The following ZNF296 variants were observed in gnomAD, a reference collection of about 807,000 sequenced individuals.
ZNF296 encodes the protein zinc finger protein 296, also known as zinc finger protein 342.
A neutral mutation model predicts 13.2 loss-of-function variants in ZNF296; 1 was observed. That is an observed-to-expected ratio of 0.08 (90% CI 0.03 to 0.36). ZNF296 has a LOEUF of 0.36. Ranked by LOEUF, ZNF296 falls within the 10% of genes least tolerant of loss-of-function variation. The probability of loss-of-function intolerance (pLI) is 0.99; values close to 1 mark genes in which losing one functional copy is unlikely to be tolerated. For synonymous variants in ZNF296, 303 were observed against 289.0 expected (o/e 1.05, Z -0.49); for missense variants, 555 against 688.2 (o/e 0.81, Z 2.16).
chr19:45,071,591 T>C lies in ZNF296; in HGVS notation c.*10A>G, dbSNP rs775146701. The C allele has an allele frequency of 7.3e-6, 11 of 1,506,148 alleles. No individual in the cohort carries two copies. The African/African-American group carries it at 1.3e-4, about 17-fold the overall frequency. 93.3% of individuals were successfully genotyped at this position (1,506,148 alleles called of 1,614,324 possible). Reference sequence around the variant, plus strand: ...CGGTACCAGGGACAGTGAGGGGGGCTTTCCTGGGCTCAGGCCTCGCCGGCC... The same window carrying C: ...CGGTACCAGGGACAGTGAGGGGGGCCTTCCTGGGCTCAGGCCTCGCCGGCC... On this transcript the variant is annotated 3_prime_UTR_variant, in exon 3 of 3. Transcript: ENST00000303809.
chr19:45,071,704 C>T lies in ZNF296; in HGVS notation c.1325G>A (p.Ser442Asn). Residue 442 changes from serine (S) to asparagine (N), a missense_variant, in exon 3 of 3, where the codon AGC (serine) becomes AAC (asparagine). Coordinates refer to ENST00000303809, the MANE Select transcript of ZNF296 (RefSeq NM_145288.3). ...HRRMHGMTPGSTRFECPHCHV... is the reference protein window; with the variant it reads ...HRRMHGMTPGNTRFECPHCHV... ...GCAGTGGGGGCACTCGAAGCGGGTGCTGCCAGGCGTCATGCCGTGCATGCG... is the reference window on the plus strand; with the variant it reads ...GCAGTGGGGGCACTCGAAGCGGGTGTTGCCAGGCGTCATGCCGTGCATGCG... 6.3e-7 allele frequency: 1 copy of T among 1,590,946 alleles called. No individual in the cohort carries two copies. The highest frequency in any genetic ancestry group is 8.6e-7 in the Non-Finnish European group (1 of 1,167,704).
intron 2 of ZNF296, among the ~76,000 whole-genome samples, chr19:45,075,112 C>G (rs1157021590): frequency 3.3e-5 from 5 of 152,334 alleles, no homozygotes; most frequent in Non-Finnish European, 5.9e-5. Flanking sequence ...AATTCCCTCC[C>G]AAGAGAAGGA....
At position 45,076,209 on chromosome 19, in the gene ZNF296, C is replaced by T; in HGVS notation, c.165G>A (p.Glu55=). 3 of 1,507,140 alleles carry T rather than the reference C, an allele frequency of 2.0e-6. No individual in the cohort carries two copies. Among genetic ancestry groups the T allele is most frequent in the Non-Finnish European group, 2.7e-6 (3 of 1,131,500 alleles). 93.4% of individuals were successfully genotyped at this position (1,507,140 alleles called of 1,614,324 possible). A position where few individuals can be genotyped will look rare whatever the true frequency, so the allele number is the denominator to read the frequency against. ...CGCCGAACCGCCCCGCCGAGGACAC[C>T]TCCTTCGGGGAGAAGGGCCCCAGCC... is the stretch of plus-strand genomic sequence containing the variant. ...APRLGPFSPK[E]VSSAGRFGGE... is the part of the protein sequence containing the mutation. The change falls in exon 1 of 3, where the codon GAG becomes GAA. Residue 55 remains glutamate, a synonymous_variant. Transcript: ENST00000303809. This position sits in a 1 kb window ranked among gnomAD's most constrained non-coding sequence, Gnocchi z 4.9.
At chr19:45,074,518 C>G (rs1967310331) in intron 2 of ZNF296, among the ~76,000 whole-genome samples, 1 of 152,156 alleles carries the variant, frequency 6.6e-6, no homozygotes, top group South Asian at 2.1e-4. Context: ...GTGGACACTT[C>G]CTAGGTGAAC....
rs559153834 is a variant in ZNF296, at chr19:45,072,356, C to T, written c.673G>A (p.Gly225Ser). ...EAKSPRASGS[G>S]LTRRSPTCPV... is the part of the protein sequence containing the mutation. ...CAGGTGGGGCTCCGCCGGGTGAGGC[C>T]GCTGCCACTTGCACGGGGGCTCTTG... Residue 225 changes from glycine to serine, a missense_variant, in exon 3 of 3, where the codon GGC becomes AGC. Coordinates refer to ENST00000303809, the MANE Select transcript of ZNF296 (RefSeq NM_145288.3). The T allele has an allele frequency of 7.0e-5, 113 of 1,612,638 alleles. No homozygotes were observed. The highest frequency in any genetic ancestry group is 9.3e-5 in the African/African-American group (7 of 75,042).
chr19:45,073,005 G>GC (rs1568425941), intron 2 of ZNF296, among the ~76,000 whole-genome samples: 14 of 152,186 alleles, frequency 9.2e-5, no homozygotes, highest in African/African-American at 3.1e-4. Context: ...ACCCACCTCG[G>GC]CCTCCCAAAG....
chr19:45,072,286 A>G lies in ZNF296; in HGVS notation c.743T>C (p.Val248Ala). 6.2e-7 allele frequency: 1 copy of G among 1,613,586 alleles called. No individual in the cohort carries two copies. The highest frequency in any genetic ancestry group is 8.5e-7 in the Non-Finnish European group (1 of 1,179,912). Residue 248 changes from valine (V) to alanine (A), a missense_variant, in exon 3 of 3, where the codon GTG (valine) becomes GCG (alanine). Around this residue, in one of 3 missense-constraint regions of ZNF296, gnomAD observed 410 missense variants for 548.0 expected, o/e 0.75. Coordinates refer to ENST00000303809, the MANE Select transcript of ZNF296 (RefSeq NM_145288.3). ...CTCGCCTGTGTGTGAGCGCATGTGC[A>G]CTTTGAGGTTGCTGAAGGAGCTGAG... ...KTLSSFSNLK[V>A]HMRSHTGERP...
At position 45,076,339 on chromosome 19, in the gene ZNF296, C is replaced by T; in HGVS notation, c.35G>A (p.Arg12Gln). 1.5e-6 allele frequency: 2 copies of T among 1,369,948 alleles called. No individual in the cohort carries two copies. The highest frequency in any genetic ancestry group is 1.9e-6 in the Non-Finnish European group (2 of 1,058,042). The allele number at this position is 1,369,948 out of a possible 1,614,324, so 84.9% of individuals were successfully genotyped here. ...SRRKAGSAPR[R>Q]VEPAPAANPD... ...GTTGGCGGCGGGCGCGGGCTCTACTCGGCGGGGCGCGCTGCCGGCCTTGCG... is the reference window on the plus strand; with the variant it reads ...GTTGGCGGCGGGCGCGGGCTCTACTTGGCGGGGCGCGCTGCCGGCCTTGCG... The change falls in exon 1 of 3, where the codon CGA (arginine) becomes CAA (glutamine). Residue 12 changes from arginine to glutamine, a missense_variant. Physicochemically the swap from Arg to Gln is conservative, Grantham distance 43. Transcript: ENST00000303809. The surrounding 1 kb of genome is among the most constrained non-coding windows in gnomAD (Gnocchi z 4.9).
intron 2 of ZNF296, 65 bp downstream of exon 2, chr19:45,075,648 G>A: frequency 6.3e-7 from 1 of 1,579,580 alleles, no homozygotes; most frequent in African/African-American, 1.3e-5. Flanking sequence ...GTCCAGCCCA[G>A]CCCCTTTCCA....
Position 45,071,511 on chromosome 19 carries a change from G to C in ZNF296, c.*90C>G. 6.7e-7 allele frequency: 1 copy of C among 1,485,964 alleles called. No individual in the cohort carries two copies. Among genetic ancestry groups the C allele is most frequent in the South Asian group, 1.4e-5 (1 of 72,842 alleles). The allele number at this position is 1,485,964 out of a possible 1,614,324, so 92.0% of individuals were successfully genotyped here. ...AGTCCAGACGGGTGTAAATAAAAGG[G>C]AAAATTTACTTGGAGAAGGCGGGCA... On this transcript the variant is annotated 3_prime_UTR_variant, in exon 3 of 3. Transcript: ENST00000303809.
Position 45,072,551 on chromosome 19 carries a change from G to A in ZNF296, c.478C>T (p.Leu160=), listed in dbSNP as rs778929569. ...ACTGTGAACTGTTTGCCACAGCGCA[G>A]GCAGCTCAAGGCCTTCAGCTCCTCT... ...EREELKALSC[L]RCGKQFTVAW... Residue 160 remains leucine (L), a synonymous_variant, in exon 3 of 3, where the codon CTG becomes TTG. Transcript: ENST00000303809. The A allele has an allele frequency of 3.3e-5, 53 of 1,606,866 alleles. No individual in the cohort carries two copies. The highest frequency in any genetic ancestry group is 4.3e-5 in the Non-Finnish European group (51 of 1,176,048).
chr19:45,075,659 G>T, intron 2 of ZNF296, 54 bp downstream of exon 2: 1 of 1,597,466 alleles, frequency 6.3e-7, no homozygotes, highest in East Asian at 2.2e-5. Flanking sequence ...CCCCTTTCCA[G>T]CAGGAAGCCC....
chr19:45,074,229 T>G (rs1304241615), intron 2 of ZNF296, among the ~76,000 whole-genome samples: 1 of 151,520 alleles, frequency 6.6e-6, no homozygotes, highest in Non-Finnish European at 1.5e-5. Context: ...GCCATGGTGG[T>G]GCACGCCTGT....
chr19:45,072,276 G>C lies in ZNF296; in HGVS notation c.753C>G (p.Arg251=), dbSNP rs146882890. ...CATAGGGCCGCTCGCCTGTGTGTGA[G>C]CGCATGTGCACTTTGAGGTTGCTGA... is the stretch of plus-strand genomic sequence containing the variant. ...SSFSNLKVHM[R]SHTGERPYAC... Residue 251 remains arginine, a synonymous_variant, in exon 3 of 3, where the codon CGC becomes CGG. Coordinates refer to ENST00000303809, the MANE Select transcript of ZNF296 (RefSeq NM_145288.3). 4.3e-6 allele frequency: 7 copies of C among 1,613,594 alleles called. No homozygotes were observed. The highest frequency in any genetic ancestry group is 3.4e-6 in the Non-Finnish European group (4 of 1,179,938).
rs1967261313 is a variant in ZNF296 at position 45,071,871 on chromosome 19, G to GC, written c.1157dup (p.Ser387GlnfsTer3). ...AATGCTTCCCGCAGAACTCACAGCTGCCCCCGGGCCCGCGGCTCTTGCCCC... is the reference window on the plus strand; with the variant it reads ...AATGCTTCCCGCAGAACTCACAGCTGCCCCCCGGGCCCGCGGCTCTTGCCCC... On this transcript the variant is annotated frameshift_variant, in exon 3 of 3. Coordinates refer to ENST00000303809, the MANE Select transcript of ZNF296 (RefSeq NM_145288.3). LOFTEE classifies it low-confidence loss of function (END_TRUNC). 2 of 1,613,040 alleles carry GC rather than the reference G, an allele frequency of 1.2e-6. No individual in the cohort carries two copies. The highest frequency in any genetic ancestry group is 1.7e-6 in the Non-Finnish European group (2 of 1,180,022).
At chr19:45,074,613 G>T (rs1478650682) in intron 2 of ZNF296, among the ~76,000 whole-genome samples, 1 of 152,172 alleles carries the variant, frequency 6.6e-6, no homozygotes, top group Non-Finnish European at 1.5e-5. Flanking sequence ...GCACAGGCCT[G>T]CATTCAAATT....
At position 45,071,826 on chromosome 19, in the gene ZNF296, C is replaced by T. The variant is rs769313505; in HGVS notation, c.1203G>A (p.Leu401=). The T allele has an allele frequency of 5.6e-6, 9 of 1,612,082 alleles. No individual in the cohort carries two copies. The highest frequency in any genetic ancestry group is 7.6e-6 in the Non-Finnish European group (9 of 1,179,638). ...CGGTGTGTGAGCGCCGGTGCACCGT[C>T]AGGTTGCTGCTGTTGGTAAAATGCT... ...CGKHFTNSSN[L]TVHRRSHTGE... Residue 401 remains leucine (L), a synonymous_variant, in exon 3 of 3, where the codon CTG becomes CTA. Coordinates refer to ENST00000303809, the MANE Select transcript of ZNF296 (RefSeq NM_145288.3).
rs1967349821 is a variant in ZNF296 at position 45,076,293 on chromosome 19, C to T, written c.81G>A (p.Met27Ile). ...GCTTGAGTTCGATGACGAGGTCCTG[C>T]ATTTCCATCTCGTCGTCTGGGTTGG... ...PAANPDDEMEMQDLVIELKPE... is the reference protein window; with the variant it reads ...PAANPDDEMEIQDLVIELKPE... Residue 27 changes from methionine (M) to isoleucine (I), a missense_variant, in exon 1 of 3, where the codon ATG (methionine) becomes ATA (isoleucine). This residue lies in a region of ZNF296 where 137 missense variants were observed against 121.9 expected (regional missense o/e 1.12). Transcript: ENST00000303809. This position sits in a 1 kb window ranked among gnomAD's most constrained non-coding sequence, Gnocchi z 4.9. 2.1e-6 allele frequency: 3 copies of T among 1,457,212 alleles called. No homozygotes were observed. Among genetic ancestry groups the T allele is most frequent in the South Asian group, 1.5e-5 (1 of 68,364 alleles). The allele number at this position is 1,457,212 out of a possible 1,614,324, so 90.3% of individuals were successfully genotyped here.
Position 45,076,339 on chromosome 19 carries a change from C to A in ZNF296, c.35G>T (p.Arg12Leu). The change falls in exon 1 of 3, where the codon CGA becomes CTA. Residue 12 changes from arginine (R) to leucine (L), a missense_variant. Coordinates refer to ENST00000303809, the MANE Select transcript of ZNF296 (RefSeq NM_145288.3). This position sits in a 1 kb window ranked among gnomAD's most constrained non-coding sequence, Gnocchi z 4.9. ...GTTGGCGGCGGGCGCGGGCTCTACT[C>A]GGCGGGGCGCGCTGCCGGCCTTGCG... is the stretch of plus-strand genomic sequence containing the variant. ...SRRKAGSAPR[R>L]VEPAPAANPD... 7.3e-7 allele frequency: 1 copy of A among 1,369,948 alleles called. No individual in the cohort carries two copies. The highest frequency in any genetic ancestry group is 3.0e-5 in the Admixed American group (1 of 33,212). 84.9% of individuals were successfully genotyped at this position (1,369,948 alleles called of 1,614,324 possible).
Sources: gnomAD v4.1 joint callset for allele counts (sites outside exome capture counted in the v4.1 genomes callset) on GRCh38, gnomAD v4.1.1 for gene constraint, gnomAD v4.1.1 regional missense constraint, Gnocchi (gnomAD v3.1) non-coding constraint, MANE v1.5 for transcripts, NCBI Gene and HGNC (gene_info 2026-07-23, HGNC 2026-07-21) for gene names.